Variants in DGKB observed in about 807,000 individuals in gnomAD.
DGKB encodes the protein diacylglycerol kinase beta.
A neutral mutation model predicts 114.3 loss-of-function variants in DGKB; 67 were observed. The ratio of observed to expected loss-of-function variants is 0.59; its 90% CI spans 0.48 to 0.72. DGKB has a LOEUF of 0.72. DGKB is among the 30% of genes least tolerant of loss of function. The probability of loss-of-function intolerance (pLI) is 0.00; values close to 1 mark genes in which losing one functional copy is unlikely to be tolerated. For synonymous variants in DGKB, 398 were observed against 323.1 expected, an observed-to-expected ratio of 1.23 and a Z score of -2.49; for missense variants, 907 against 975.2, an observed-to-expected ratio of 0.93 and a Z score of 0.93.
chr7:14,387,813 G>C (rs1219238692), intron 21 of DGKB, among the ~76,000 whole-genome samples: 1 of 151,458 alleles, frequency 6.6e-6, no homozygotes, highest in Non-Finnish European at 1.5e-5. Context: ...AATCTTATAA[G>C]GTGTGGAATC....
chr7:14,892,504 T>G (rs1781404786), intron 1 of DGKB, among the ~76,000 whole-genome samples: 1 of 151,248 alleles, frequency 6.6e-6, no homozygotes, highest in Admixed American at 6.6e-5. Flanking sequence ...CATATATATT[T>G]ACATATAAAT....
intron 2 of DGKB, chr7:14,814,086 C>T (rs1843775488): frequency 6.6e-6 from 1 of 151,852 alleles, no homozygotes; most frequent in Non-Finnish European, 1.5e-5. Flanking sequence ...CAATTGATTC[C>T]TCAATATTTA....
intron 20 of DGKB, among the ~76,000 whole-genome samples, chr7:14,551,141 C>A (rs1795044286): frequency 1.3e-5 from 2 of 152,248 alleles, no homozygotes; most frequent in South Asian, 4.1e-4. Context: ...GAATAAGAGG[C>A]TCTTAGTGAC....
At chr7:14,464,033 T>TA (rs1439016135) in intron 21 of DGKB, among the ~76,000 whole-genome samples, 1 of 152,066 alleles carries the variant, frequency 6.6e-6, no homozygotes, top group Non-Finnish European at 1.5e-5. Context: ...ACCAAGCTTT[T>TA]TTTTTTTTCC....
At chr7:14,260,087 T>TAC (rs60392482) in intron 23 of DGKB, among the ~76,000 whole-genome samples, 35,568 of 150,904 alleles carry the variant, frequency 0.24, 4,921 homozygotes, top group East Asian at 0.59. Flanking sequence ...TACATATGTG[T>TAC]ACACACACAC....
intron 21 of DGKB, among the ~76,000 whole-genome samples, chr7:14,368,843 G>A (rs928309942): frequency 2.6e-5 from 4 of 152,104 alleles, no homozygotes; most frequent in African/African-American, 7.2e-5. Flanking sequence ...GGAAGAGCCC[G>A]GGAGAGCCCT....
At chr7:14,830,821 A>C (rs1245458388) in intron 2 of DGKB, among the ~76,000 whole-genome samples, 1 of 151,988 alleles carries the variant, frequency 6.6e-6, no homozygotes, top group African/African-American at 2.4e-5. Context: ...TCTTGCCCCA[A>C]ATTATTTATT....
At chr7:14,461,159 A>C (rs1833015707) in intron 21 of DGKB, among the ~76,000 whole-genome samples, 1 of 152,164 alleles carries the variant, frequency 6.6e-6, no homozygotes, top group Non-Finnish European at 1.5e-5. Context: ...GAAAGGTCTA[A>C]AATCAACACC....
chr7:14,397,015 C>T (rs1265080082), intron 21 of DGKB, among the ~76,000 whole-genome samples: 2 of 151,566 alleles, frequency 1.3e-5, no homozygotes, highest in Non-Finnish European at 2.9e-5. Context: ...TAAATTATTC[C>T]GGTCAATAAG....
intron 23 of DGKB, among the ~76,000 whole-genome samples, chr7:14,196,433 A>G (rs796309480): frequency 2.6e-5 from 4 of 152,156 alleles, no homozygotes; most frequent in African/African-American, 9.6e-5. Context: ...ACACCTGAAT[A>G]CTTCTATTTT....
chr7:14,606,711 A>G (rs986580265), intron 17 of DGKB, among the ~76,000 whole-genome samples: 1 of 152,070 alleles, frequency 6.6e-6, no homozygotes. Context: ...AAATAAAATG[A>G]CATTAATTAT....
intron 4 of DGKB, among the ~76,000 whole-genome samples, chr7:14,741,045 C>T (rs6971672): frequency 0.052 from 7,978 of 152,134 alleles, 305 homozygotes; most frequent in Admixed American, 0.11. Flanking sequence ...AGCTGGGGGG[C>T]TCCTTTGAAA....
intron 17 of DGKB, among the ~76,000 whole-genome samples, chr7:14,605,381 C>CAA (rs1357982080): frequency 1.4e-5 from 2 of 147,036 alleles, no homozygotes; most frequent in Non-Finnish European, 3.0e-5. Flanking sequence ...TATATATACA[C>CAA]CTATATATGT....
chr7:14,613,039 C>A (rs181860206), intron 16 of DGKB, among the ~76,000 whole-genome samples: 38 of 152,060 alleles, frequency 2.5e-4, no homozygotes, highest in African/African-American at 8.7e-4. Context: ...ATTTAGAGAA[C>A]CAATTTTCAT....
At chr7:14,302,200 G>T (rs181664890) in intron 23 of DGKB, among the ~76,000 whole-genome samples, 1 of 152,096 alleles carries the variant, frequency 6.6e-6, no homozygotes, top group East Asian at 1.9e-4. Context: ...AGGTGTTAAG[G>T]TCATATGAAA....
At chr7:14,857,351 A>C (rs868706020) in intron 1 of DGKB, among the ~76,000 whole-genome samples, 4 of 151,730 alleles carry the variant, frequency 2.6e-5, no homozygotes, top group African/African-American at 7.3e-5. Context: ...AACAACCTGA[A>C]GGACCCCCAA....
chr7:14,890,862 T>C (rs1057265136), intron 1 of DGKB, among the ~76,000 whole-genome samples: 44 of 122,148 alleles, frequency 3.6e-4, no homozygotes, highest in African/African-American at 1.2e-3. Flanking sequence ...ATTCACAGAA[T>C]GCCACAAATG....
intron 17 of DGKB, among the ~76,000 whole-genome samples, chr7:14,603,488 T>G (rs1803944524): frequency 6.6e-6 from 1 of 152,094 alleles, no homozygotes; most frequent in Non-Finnish European, 1.5e-5. Context: ...AGAAATTTGG[T>G]TATATAAAAT....
At chr7:14,449,172 C>T (rs978332405) in intron 21 of DGKB, among the ~76,000 whole-genome samples, 2 of 152,022 alleles carry the variant, frequency 1.3e-5, no homozygotes, top group Non-Finnish European at 2.9e-5. Flanking sequence ...GTTCTTTTTA[C>T]ATACAAACTC....
Sources: gnomAD v4.1 joint callset for allele counts (sites outside exome capture counted in the v4.1 genomes callset) on GRCh38, gnomAD v4.1.1 for gene constraint, MANE v1.5 for transcripts, NCBI Gene and HGNC (gene_info 2026-07-23, HGNC 2026-07-21) for gene names.